The following PTPRT variants were observed in gnomAD, a reference collection of about 807,000 sequenced individuals.
PTPRT encodes protein tyrosine phosphatase receptor type T.
In PTPRT, 56 loss-of-function variants were observed where a neutral mutation model predicts 176.8. That is an observed-to-expected ratio of 0.32 (90% CI 0.26 to 0.40). PTPRT has a LOEUF of 0.40. Ranked by LOEUF, PTPRT falls within the 10% of genes least tolerant of loss-of-function variation. PTPRT has a pLI of 1.00. For synonymous variants in PTPRT, 783 were observed against 739.0 expected (o/e 1.06, Z -0.96); for missense variants, 1,540 against 1,908.2 (o/e 0.81, Z 3.60).
At chr20:42,750,166 T>C (rs1172079878) in intron 6 of PTPRT, among the ~76,000 whole-genome samples, 3 of 152,196 alleles carry the variant, frequency 2.0e-5, no homozygotes, top group South Asian at 4.1e-4. Context: ...TTTCATAGTA[T>C]GTACAGAATA....
intron 9 of PTPRT, among the ~76,000 whole-genome samples, chr20:42,394,588 T>C (rs1444819355): frequency 1.3e-5 from 2 of 152,182 alleles, no homozygotes; most frequent in South Asian, 2.1e-4. Flanking sequence ...AATTAAGCAA[T>C]TCCGCAGCTT....
chr20:42,659,464 T>A (rs1340015435), intron 7 of PTPRT, among the ~76,000 whole-genome samples: 2 of 152,190 alleles, frequency 1.3e-5, no homozygotes, highest in Non-Finnish European at 2.9e-5. Context: ...GAATGTACAC[T>A]CATCCACTCT....
chr20:43,002,405 A>G (rs1984626984), intron 1 of PTPRT, among the ~76,000 whole-genome samples: 1 of 152,218 alleles, frequency 6.6e-6, no homozygotes, highest in Non-Finnish European at 1.5e-5. Flanking sequence ...TCGATATAAA[A>G]GCTTTACGCA....
intron 13 of PTPRT, among the ~76,000 whole-genome samples, chr20:42,274,349 C>T (rs1312906954): frequency 6.6e-6 from 1 of 152,132 alleles, no homozygotes; most frequent in Non-Finnish European, 1.5e-5. Flanking sequence ...ACAAATATGC[C>T]TTTGTGGTAT....
At chr20:42,610,906 T>A (rs1416026915) in intron 7 of PTPRT, among the ~76,000 whole-genome samples, 1 of 149,418 alleles carries the variant, frequency 6.7e-6, no homozygotes, top group East Asian at 1.9e-4. Context: ...TAGACTTACC[T>A]ATTCTGAACA....
At chr20:42,221,240 G>A (rs2055879611) in intron 15 of PTPRT, among the ~76,000 whole-genome samples, 2 of 152,128 alleles carry the variant, frequency 1.3e-5, no homozygotes, top group Admixed American at 6.5e-5. Flanking sequence ...CTGACTTCAG[G>A]TGATCCATCC....
intron 15 of PTPRT, among the ~76,000 whole-genome samples, chr20:42,231,445 G>A (rs1426106388): frequency 6.6e-6 from 1 of 152,118 alleles, no homozygotes; most frequent in Non-Finnish European, 1.5e-5. Context: ...TACTTTGCAG[G>A]GCTTGTTATA....
rs148641434 is a variant in PTPRT, at chr20:42,985,867, C to T, written c.89-99935G>A. On this transcript the variant is annotated intron_variant, in intron 1 of 30. Transcript: ENST00000373187. ...CAACAGCAGCCAAGGTGAAGGTACG[C>T]CTCCCTGTTCAAGGAGCAGCCCAGC... Among the ~76,000 whole-genome samples the T allele has an allele frequency of 6.8e-3, 1,040 of 152,196 alleles. 15 individuals are homozygous for T. Among genetic ancestry groups the T allele is most frequent in the African/African-American group, 0.024 (1,011 of 41,510 alleles).
rs75707305 is a variant in PTPRT, at chr20:42,932,208, T to C, written c.89-46276A>G. 1.7e-3 allele frequency among the ~76,000 whole-genome samples: 256 copies of C among 152,342 alleles called. 1 individual carries two copies. In the East Asian group the frequency reaches 0.017, roughly 10 times the overall value. The stretch of plus-strand genomic sequence containing the variant: ...AGGTGCCAAAGACGTAGGTTAGAAC[T>C]GTGGATCAGGGCTAGAGCCAAGCCT... On this transcript the variant is annotated intron_variant, in intron 1 of 30. Coordinates refer to ENST00000373187, the MANE Select transcript of PTPRT (RefSeq NM_007050.6).
intron 16 of PTPRT, among the ~76,000 whole-genome samples, chr20:42,192,755 CA>C (rs1213609035): frequency 6.6e-6 from 1 of 152,208 alleles, no homozygotes; most frequent in Non-Finnish European, 1.5e-5. Context: ...CTCTGTTAGG[CA>C]GGGGCCATTC....
intron 8 of PTPRT, among the ~76,000 whole-genome samples, chr20:42,462,720 T>G (rs1211357868): frequency 6.6e-6 from 1 of 152,004 alleles, no homozygotes; most frequent in Non-Finnish European, 1.5e-5. Context: ...ATAGAGCTCT[T>G]GTTTTGTTTT....
intron 8 of PTPRT, among the ~76,000 whole-genome samples, chr20:42,450,921 A>G (rs1335139377): frequency 6.6e-6 from 1 of 152,172 alleles, no homozygotes; most frequent in African/African-American, 2.4e-5. Context: ...ATATGGTACT[A>G]GGAGAATTAT....
chr20:42,115,523 C>A (rs1987232546), intron 21 of PTPRT, among the ~76,000 whole-genome samples: 1 of 152,190 alleles, frequency 6.6e-6, no homozygotes, highest in Non-Finnish European at 1.5e-5. Flanking sequence ...GGCACTGGAG[C>A]CATTAGAAAT....
At chr20:42,337,363 G>A (rs1342919918) in intron 11 of PTPRT, among the ~76,000 whole-genome samples, 1 of 152,174 alleles carries the variant, frequency 6.6e-6, no homozygotes, top group Non-Finnish European at 1.5e-5. Context: ...AAGAGCTACA[G>A]GTCCTAAGAT....
At chr20:42,903,089 G>A (rs558513073) in intron 1 of PTPRT, among the ~76,000 whole-genome samples, 1 of 152,236 alleles carries the variant, frequency 6.6e-6, no homozygotes, top group Non-Finnish European at 1.5e-5. Flanking sequence ...ATGCCTTGAA[G>A]ATGTTAGGCA....
chr20:42,886,897 C>T (rs568170209), intron 1 of PTPRT, among the ~76,000 whole-genome samples: 12 of 152,182 alleles, frequency 7.9e-5, no homozygotes, highest in East Asian at 3.9e-4. Context: ...TCTCCATGGG[C>T]GGAGGGCAGG....
chr20:42,515,553 T>C (rs545851189), intron 7 of PTPRT, among the ~76,000 whole-genome samples: 4 of 152,336 alleles, frequency 2.6e-5, no homozygotes, highest in African/African-American at 7.2e-5. Context: ...TTATACTTAT[T>C]ATCATTTTTA....
At chr20:42,453,831 C>T (rs930117072) in intron 8 of PTPRT, among the ~76,000 whole-genome samples, 6 of 125,170 alleles carry the variant, frequency 4.8e-5, no homozygotes, top group African/African-American at 1.4e-4. Context: ...TGACCACGCC[C>T]GGCTAATTTT....
chr20:42,415,362 T>TTTTG (rs10622657), intron 9 of PTPRT, among the ~76,000 whole-genome samples: 106,764 of 149,706 alleles, frequency 0.71, 38,325 homozygotes, highest in East Asian at 0.86. Context: ...TTTTTGTCTT[T>TTTTG]TTTGTTTGTT....
Sources: allele counts gnomAD v4.1 joint callset (sites outside exome capture counted in the v4.1 genomes callset), GRCh38; gene constraint gnomAD v4.1.1; transcripts MANE v1.5; gene names NCBI Gene and HGNC (gene_info 2026-07-23, HGNC 2026-07-21).